ZNF804A: variants seen among roughly 807,000 people sequenced by gnomAD.
The protein encoded by ZNF804A is zinc finger protein 804A.
ZNF804A carries 2 observed loss-of-function variants against 16.5 expected under a neutral mutation model. The observed-to-expected ratio is 0.12, with a 90% CI of 0.05 to 0.38. The LOEUF (loss-of-function observed/expected upper bound fraction) is 0.38. ZNF804A is among the 10% of genes least tolerant of loss of function. The pLI, the probability that ZNF804A is intolerant of heterozygous loss-of-function variation, is 0.99. For missense variants in ZNF804A, 1,473 were observed against 1,390.7 expected (o/e 1.06, Z -0.94); for synonymous variants, 534 against 489.6 (o/e 1.09, Z -1.20).
intron 2 of ZNF804A, among the ~76,000 whole-genome samples, chr2:184,928,403 C>T (rs939218046): frequency 6.6e-6 from 1 of 152,020 alleles, no homozygotes; most frequent in Non-Finnish European, 1.5e-5. Context: ...CTCCTCTCCC[C>T]TCCCCTATCT....
At chr2:184,837,896 T>C (rs1695379069) in intron 1 of ZNF804A, among the ~76,000 whole-genome samples, 2 of 152,042 alleles carry the variant, frequency 1.3e-5, no homozygotes, top group South Asian at 4.2e-4. Context: ...CATAACAAGA[T>C]TTATTAGCCT....
intron 2 of ZNF804A, among the ~76,000 whole-genome samples, chr2:184,885,187 C>T (rs760620940): frequency 1.3e-5 from 2 of 151,850 alleles, no homozygotes; most frequent in Non-Finnish European, 2.9e-5. Context: ...ATCAAAAAAA[C>T]GACAGGCTCT....
intron 1 of ZNF804A, among the ~76,000 whole-genome samples, chr2:184,626,505 T>A (rs17430586): frequency 0.11 from 16,642 of 152,230 alleles, 1,179 homozygotes; most frequent in Non-Finnish European, 0.16. Flanking sequence ...CATATAGATA[T>A]GTCCATTATA....
At chr2:184,862,503 A>C (rs923310646) in intron 1 of ZNF804A, among the ~76,000 whole-genome samples, 5 of 152,198 alleles carry the variant, frequency 3.3e-5, no homozygotes, top group African/African-American at 4.8e-5. Flanking sequence ...TGCAAACTTA[A>C]CTTCAGCCAT....
intron 2 of ZNF804A, among the ~76,000 whole-genome samples, chr2:184,883,429 C>T (rs1684839609): frequency 6.6e-6 from 1 of 152,000 alleles, no homozygotes; most frequent in South Asian, 2.1e-4. Flanking sequence ...TTCTATGAGG[C>T]CAGCATCATC....
At chr2:184,774,661 T>G (rs1482382603) in intron 1 of ZNF804A, among the ~76,000 whole-genome samples, 1 of 151,822 alleles carries the variant, frequency 6.6e-6, no homozygotes, top group African/African-American at 2.4e-5. Flanking sequence ...ATGAAGCTTT[T>G]TGAAGAAAAA....
chr2:184,644,044 C>T lies in ZNF804A; in HGVS notation c.111+44974C>T, dbSNP rs192230521. Among the ~76,000 whole-genome samples, 148 of 151,674 alleles carry T rather than the reference C, an allele frequency of 9.8e-4. 4 individuals are homozygous for T. Among genetic ancestry groups the T allele is most frequent in the Admixed American group, 9.6e-3 (147 of 15,240 alleles). ...AAATTCTCAAACTACCTTAAAATGC[C>T]TTTCAGGTGAATCATGTTAATTCAG... On this transcript the variant is annotated intron_variant, in intron 1 of 3. Transcript: ENST00000302277.
At chr2:184,698,528 G>T (rs936681762) in intron 1 of ZNF804A, among the ~76,000 whole-genome samples, 2 of 152,174 alleles carry the variant, frequency 1.3e-5, no homozygotes, top group Admixed American at 6.5e-5. Context: ...CACTTAGATG[G>T]TCTTTAATAT....
chr2:184,795,607 G>T (rs1416841044), intron 1 of ZNF804A, among the ~76,000 whole-genome samples: 1 of 151,892 alleles, frequency 6.6e-6, no homozygotes, highest in Admixed American at 6.6e-5. Context: ...ACAACAAAAA[G>T]ATACAAAAGA....
chr2:184,841,180 C>A (rs1695431911), intron 1 of ZNF804A, among the ~76,000 whole-genome samples: 1 of 152,148 alleles, frequency 6.6e-6, no homozygotes, highest in African/African-American at 2.4e-5. Flanking sequence ...TGTGAAATCT[C>A]TCCATTTCTT....
At chr2:184,843,059 C>G (rs1695460846) in intron 1 of ZNF804A, among the ~76,000 whole-genome samples, 1 of 151,986 alleles carries the variant, frequency 6.6e-6, no homozygotes, top group Non-Finnish European at 1.5e-5. Flanking sequence ...TCTTGGTTTC[C>G]CATTCATACT....
intron 1 of ZNF804A, among the ~76,000 whole-genome samples, chr2:184,621,312 T>A (rs1691415072): frequency 6.6e-6 from 1 of 151,732 alleles, no homozygotes; most frequent in African/African-American, 2.4e-5. Context: ...CATTTGCATG[T>A]TGATCCCAGC....
rs557711158 is a variant in ZNF804A, at chr2:184,881,363, A to G, written c.255+14851A>G. On this transcript the variant is annotated intron_variant, in intron 2 of 3. Transcript: ENST00000302277. ...AACGTACTTCAGAATATCATCCATG[A>G]AAATTTTCCCAAACTTACTTAGATT... Among the ~76,000 whole-genome samples, 86 of 147,904 alleles carry G rather than the reference A, an allele frequency of 5.8e-4. 2 individuals carry two copies. The South Asian group carries it at 0.018, about 31-fold the overall frequency.
intron 1 of ZNF804A, among the ~76,000 whole-genome samples, chr2:184,659,773 T>G (rs2105705503): frequency 6.6e-6 from 1 of 152,300 alleles, no homozygotes; most frequent in South Asian, 2.1e-4. Flanking sequence ...CTTTCGGAGT[T>G]TATTATTATT....
intron 2 of ZNF804A, among the ~76,000 whole-genome samples, chr2:184,889,927 C>T (rs1317022102): frequency 1.3e-5 from 2 of 152,104 alleles, no homozygotes; most frequent in Non-Finnish European, 2.9e-5. Context: ...CCCATTTTCA[C>T]ACCTGCTTAA....
intron 1 of ZNF804A, among the ~76,000 whole-genome samples, chr2:184,795,016 A>G (rs1435797387): frequency 6.6e-6 from 1 of 152,196 alleles, no homozygotes; most frequent in African/African-American, 2.4e-5. Context: ...CAGGTCGTCA[A>G]GACAGAAAGT....
Position 184,938,580 on chromosome 2 carries a change from G to A in ZNF804A, c.3184G>A (p.Ala1062Thr), listed in dbSNP as rs190240911. The A allele has an allele frequency of 6.8e-6, 11 of 1,613,972 alleles. No individual in the cohort carries two copies. In the African/African-American group the frequency reaches 8.0e-5, roughly 12 times the overall value. Residue 1062 changes from alanine (A) to threonine (T), a missense_variant, in exon 4 of 4, where the codon GCC (alanine) becomes ACC (threonine). Ala to Thr is a moderately conservative substitution (Grantham distance 58). Coordinates refer to ENST00000302277, the MANE Select transcript of ZNF804A (RefSeq NM_194250.2). The stretch of plus-strand genomic sequence containing the variant: ...GCACATTCTGCAGCCAAACATGCTG[G>A]CCAACAAGGTTAAATTTACCTTTCC... ...YQHILQPNML[A>T]NKVKFTFPPA...
chr2:184,768,398 A>G (rs1411301507), intron 1 of ZNF804A, among the ~76,000 whole-genome samples: 2 of 152,078 alleles, frequency 1.3e-5, no homozygotes, highest in Non-Finnish European at 2.9e-5. Flanking sequence ...GGACTTTATG[A>G]AACATTGAAA....
intron 2 of ZNF804A, among the ~76,000 whole-genome samples, chr2:184,932,451 C>G (rs187445840): frequency 1.4e-3 from 213 of 152,236 alleles, no homozygotes; most frequent in South Asian, 1.2e-3. Context: ...AAGGAAACTC[C>G]TCTTTATAAA....
Sources: allele counts gnomAD v4.1 joint callset (sites outside exome capture counted in the v4.1 genomes callset), GRCh38; gene constraint gnomAD v4.1.1; transcripts MANE v1.5; gene names NCBI Gene and HGNC (gene_info 2026-07-23, HGNC 2026-07-21).